Variants in DLG2 observed in about 807,000 individuals in gnomAD.
DLG2 encodes the protein disks large homolog 2.
In DLG2, 45 loss-of-function variants were observed where a neutral mutation model predicts 132.5. That is an observed-to-expected ratio of 0.34 (90% CI 0.27 to 0.44). The LOEUF is 0.44. Among genes scored for constraint, DLG2 ranks in the 20% least tolerant of loss-of-function variants. The probability of loss-of-function intolerance (pLI) is 1.00; values close to 1 mark genes in which losing one functional copy is unlikely to be tolerated. For missense variants in DLG2, 1,045 were observed against 1,196.9 expected (o/e 0.87, Z 1.87); for synonymous variants, 424 against 419.6 (o/e 1.01, Z -0.13).
chr11:85,383,557 C>T (rs286024), intron 3 of DLG2, among the ~76,000 whole-genome samples: 125,759 of 152,102 alleles, frequency 0.83, 52,830 homozygotes, highest in Non-Finnish European at 0.92. Context: ...TACATCAAAA[C>T]GGCTCCTTAC....
intron 19 of DLG2, among the ~76,000 whole-genome samples, chr11:83,615,139 C>G (rs916974256): frequency 6.6e-6 from 1 of 152,102 alleles, no homozygotes; most frequent in Non-Finnish European, 1.5e-5. Context: ...TAGGAAGCAC[C>G]ATTACAGAGG....
intron 3 of DLG2, among the ~76,000 whole-genome samples, chr11:85,479,224 T>C (rs575725241): frequency 5.9e-5 from 9 of 152,338 alleles, no homozygotes; most frequent in African/African-American, 2.2e-4. Context: ...CATTTACTTC[T>C]CACAGTTCTG....
chr11:84,508,723 T>C (rs995924679), intron 7 of DLG2, among the ~76,000 whole-genome samples: 1 of 152,216 alleles, frequency 6.6e-6, no homozygotes, highest in African/African-American at 2.4e-5. Context: ...TTTATTTATT[T>C]ACTTATTTAA....
chr11:84,826,825 C>G (rs554469629), intron 6 of DLG2, among the ~76,000 whole-genome samples: 1 of 151,852 alleles, frequency 6.6e-6, no homozygotes, highest in Non-Finnish European at 1.5e-5. Context: ...AATAACCAGA[C>G]TAACCTTCTC....
chr11:85,345,747 G>T (rs562622273), intron 3 of DLG2, among the ~76,000 whole-genome samples: 1 of 152,152 alleles, frequency 6.6e-6, no homozygotes, highest in Admixed American at 6.5e-5. Flanking sequence ...CTGATAATAG[G>T]ATCAAGATGA....
chr11:85,068,283 G>A, intron 6 of DLG2, among the ~76,000 whole-genome samples: 1 of 152,048 alleles, frequency 6.6e-6, no homozygotes, highest in East Asian at 1.9e-4. Flanking sequence ...TCAACATTGT[G>A]TTGGAAGTTC....
intron 15 of DLG2, among the ~76,000 whole-genome samples, chr11:83,916,305 AG>A (rs906459762): frequency 6.6e-6 from 1 of 151,428 alleles, no homozygotes; most frequent in Non-Finnish European, 1.5e-5. Flanking sequence ...TTTTAAATTT[AG>A]GGTTTTTTTT....
At chr11:84,918,993 G>A (rs113031109) in intron 6 of DLG2, among the ~76,000 whole-genome samples, 15 of 152,232 alleles carry the variant, frequency 9.9e-5, no homozygotes, top group African/African-American at 3.1e-4. Flanking sequence ...AGGTTCCATG[G>A]AGCTAACATG....
chr11:84,720,345 C>T (rs2061668767), intron 6 of DLG2: 1 of 985,368 alleles, frequency 1.0e-6, no homozygotes, highest in Admixed American at 6.1e-5. Flanking sequence ...AGCAACTTTG[C>T]AGTGGCAAAT....
At chr11:84,847,554 G>C (rs1166587257) in intron 6 of DLG2, among the ~76,000 whole-genome samples, 1 of 152,152 alleles carries the variant, frequency 6.6e-6, no homozygotes, top group African/African-American at 2.4e-5. Flanking sequence ...TCTAGGACTT[G>C]CTAGGTTGGA....
At chr11:84,847,737 T>G (rs1223674671) in intron 6 of DLG2, among the ~76,000 whole-genome samples, 1 of 152,158 alleles carries the variant, frequency 6.6e-6, no homozygotes, top group Non-Finnish European at 1.5e-5. Context: ...TACACTCTTT[T>G]GACTGGGAAA....
At chr11:84,353,308 CA>C (rs1176895681) in intron 7 of DLG2, among the ~76,000 whole-genome samples, 1 of 152,098 alleles carries the variant, frequency 6.6e-6, no homozygotes, top group Non-Finnish European at 1.5e-5. Flanking sequence ...TCAAATACCC[CA>C]AACTGAACTC....
chr11:84,420,315 C>T (rs973166659), intron 7 of DLG2, among the ~76,000 whole-genome samples: 4 of 152,178 alleles, frequency 2.6e-5, no homozygotes, highest in African/African-American at 7.2e-5. Context: ...ATAACCAACT[C>T]TGTGAAGAGA....
At chr11:85,090,130 A>G (rs1286229942) in intron 6 of DLG2, among the ~76,000 whole-genome samples, 1 of 152,168 alleles carries the variant, frequency 6.6e-6, no homozygotes, top group Non-Finnish European at 1.5e-5. Context: ...AGAGTCAGAG[A>G]ATAATGCTAC....
chr11:85,080,815 T>C (rs553594521), intron 6 of DLG2, among the ~76,000 whole-genome samples: 1 of 152,248 alleles, frequency 6.6e-6, no homozygotes, highest in Admixed American at 6.5e-5. Flanking sequence ...TGTATCTTAG[T>C]TGGAAACCAT....
At chr11:84,884,876 A>C (rs2087971175) in intron 6 of DLG2, among the ~76,000 whole-genome samples, 1 of 152,090 alleles carries the variant, frequency 6.6e-6, no homozygotes, top group Admixed American at 6.6e-5. Context: ...AACATGCTGA[A>C]ATCATGTGCT....
intron 3 of DLG2, among the ~76,000 whole-genome samples, chr11:85,308,801 A>G (rs895285053): frequency 6.6e-6 from 1 of 152,166 alleles, no homozygotes; most frequent in Non-Finnish European, 1.5e-5. Flanking sequence ...GTTAGCTAGC[A>G]TTTATTTAAT....
At position 83,659,950 on chromosome 11, in the gene DLG2, G is replaced by A. The variant is rs76833499; in HGVS notation, c.1826-26625C>T. 5.5e-4 allele frequency among the ~76,000 whole-genome samples: 83 copies of A among 152,214 alleles called. 1 individual carries two copies. In the East Asian group the frequency reaches 0.013, roughly 25 times the overall value. On this transcript the variant is annotated intron_variant, in intron 18 of 27. Transcript: ENST00000376104. ...GCCTATCTCAATGCTATTATTTGCT[G>A]AATCCTAAATTGGAGGTTCTGTCCC...
chr11:85,314,384 G>C (rs1016189219), intron 3 of DLG2, among the ~76,000 whole-genome samples: 1 of 151,568 alleles, frequency 6.6e-6, no homozygotes, highest in Non-Finnish European at 1.5e-5. Flanking sequence ...AGGTCAGCTA[G>C]GAAAAGATTC....
Sources: gnomAD v4.1 joint callset for allele counts (sites outside exome capture counted in the v4.1 genomes callset) on GRCh38, gnomAD v4.1.1 for gene constraint, MANE v1.5 for transcripts, NCBI Gene and HGNC (gene_info 2026-07-23, HGNC 2026-07-21) for gene names.